The following MRTFA variants were observed in gnomAD, a reference collection of about 807,000 sequenced individuals.
MRTFA encodes myocardin related transcription factor A.
MRTFA carries 20 observed loss-of-function variants against 83.5 expected under a neutral mutation model. That is an observed-to-expected ratio of 0.24 (90% confidence interval 0.17 to 0.35). MRTFA has a LOEUF of 0.35. Among genes scored for constraint, MRTFA ranks in the 10% least tolerant of loss-of-function variants. The pLI, the probability that MRTFA is intolerant of heterozygous loss-of-function variation, is 1.00. For missense variants in MRTFA, 1,200 were observed against 1,224.7 expected, an observed-to-expected ratio of 0.98 and a Z score of 0.30; for synonymous variants, 659 against 541.2, an observed-to-expected ratio of 1.22 and a Z score of -3.02.
At chr22:40,543,060 G>T (rs911936616) in intron 3 of MRTFA, among the ~76,000 whole-genome samples, 2 of 152,186 alleles carry the variant, frequency 1.3e-5, no homozygotes, top group African/African-American at 4.8e-5. Flanking sequence ...GTACTGGAAT[G>T]AAGTAGGTCA....
chr22:40,448,575 C>T (rs554034879), intron 4 of MRTFA, among the ~76,000 whole-genome samples: 7 of 152,182 alleles, frequency 4.6e-5, no homozygotes, highest in Non-Finnish European at 1.0e-4. Context: ...GCCATCTTTT[C>T]CTAGCTATTC....
At chr22:40,514,488 T>TG (rs1359506041) in intron 3 of MRTFA, among the ~76,000 whole-genome samples, 2 of 150,822 alleles carry the variant, frequency 1.3e-5, no homozygotes, top group Non-Finnish European at 3.0e-5. Context: ...TTTTTTTTTT[T>TG]TTTTGAGTCA....
At chr22:40,569,721 ATAC>A (rs1257791019) in intron 2 of MRTFA, 2 of 1,946 alleles carry the variant, frequency 1.0e-3, no homozygotes, top group African/African-American at 4.1e-3. Context: ...TAATTAATAC[ATAC>A]ATACATACAT....
rs185529564 is a variant in MRTFA at position 40,488,918 on chromosome 22, T to C, written c.242-25632A>G. On this transcript the variant is annotated intron_variant, in intron 3 of 14. Coordinates refer to ENST00000355630, the MANE Select transcript of MRTFA (RefSeq NM_020831.6). ...GTACATTTGACTTGTGGCTAACATA[T>C]TGTGTTATATCAATACCAATACTGA... 2.8e-3 allele frequency among the ~76,000 whole-genome samples: 430 copies of C among 152,286 alleles called. 1 individual carries two copies. Among genetic ancestry groups the C allele is most frequent in the Admixed American group, 4.6e-3 (71 of 15,308 alleles).
At chr22:40,591,429 C>G (rs2056120212) in intron 2 of MRTFA, among the ~76,000 whole-genome samples, 1 of 151,920 alleles carries the variant, frequency 6.6e-6, no homozygotes, top group South Asian at 2.1e-4. Context: ...TAATAAGAAA[C>G]TAATATATAA....
At chr22:40,604,815 A>T (rs1409842970) in intron 1 of MRTFA, among the ~76,000 whole-genome samples, 2 of 152,162 alleles carry the variant, frequency 1.3e-5, no homozygotes, top group African/African-American at 4.8e-5. Context: ...ATTCAGCACG[A>T]TCACCATGTG....
intron 3 of MRTFA, among the ~76,000 whole-genome samples, chr22:40,504,981 C>T (rs2054557207): frequency 1.3e-5 from 2 of 152,156 alleles, no homozygotes; most frequent in Non-Finnish European, 2.9e-5. Flanking sequence ...CTATATCTAT[C>T]CCCAACCGAA....
chr22:40,498,459 T>C (rs73167096), intron 3 of MRTFA, among the ~76,000 whole-genome samples: 11,308 of 148,448 alleles, frequency 0.076, 634 homozygotes, highest in East Asian at 0.23. Context: ...GATTTTTGCA[T>C]TTTTTTGTAG....
At chr22:40,600,083 TG>T (rs1326256861) in intron 1 of MRTFA, among the ~76,000 whole-genome samples, 1 of 151,826 alleles carries the variant, frequency 6.6e-6, no homozygotes, top group Non-Finnish European at 1.5e-5. Flanking sequence ...TTTGGAATTG[TG>T]GTTTTTAAGC....
chr22:40,435,617 T>G (rs1051843929), intron 4 of MRTFA, 63 bp from the exon 5 acceptor site: 107 of 1,566,210 alleles, frequency 6.8e-5, no homozygotes, highest in Non-Finnish European at 8.6e-5. Context: ...TGCTACGATA[T>G]TCAGTGGAGA....
At chr22:40,463,931 TG>T (rs2053763885) in intron 3 of MRTFA, among the ~76,000 whole-genome samples, 1 of 152,156 alleles carries the variant, frequency 6.6e-6, no homozygotes, top group Non-Finnish European at 1.5e-5. Flanking sequence ...GGGAGACTGA[TG>T]GGTGTTTCTC....
At chr22:40,478,260 A>G (rs1486591747) in intron 3 of MRTFA, among the ~76,000 whole-genome samples, 1 of 152,160 alleles carries the variant, frequency 6.6e-6, no homozygotes, top group African/African-American at 2.4e-5. Context: ...TGGGAACTGA[A>G]AAACGACATT....
intron 9 of MRTFA, among the ~76,000 whole-genome samples, chr22:40,421,556 G>C (rs1247626501): frequency 6.6e-6 from 1 of 152,190 alleles, no homozygotes; most frequent in Non-Finnish European, 1.5e-5. Flanking sequence ...ACTTGAAAAT[G>C]GTGAACGGGC....
intron 2 of MRTFA, among the ~76,000 whole-genome samples, chr22:40,584,848 G>C (rs777776595): frequency 6.6e-6 from 1 of 151,438 alleles, no homozygotes; most frequent in Admixed American, 6.6e-5. Context: ...GTTTAGGACC[G>C]GCCTAGCCAA....
chr22:40,473,652 G>A (rs1409478602), intron 3 of MRTFA, among the ~76,000 whole-genome samples: 1 of 152,148 alleles, frequency 6.6e-6, no homozygotes, highest in African/African-American at 2.4e-5. Flanking sequence ...TTCAAACTAG[G>A]GAATGTGTTT....
At chr22:40,526,686 A>G (rs2054980037) in intron 3 of MRTFA, 1 of 152,218 alleles carries the variant, frequency 6.6e-6, no homozygotes, top group Non-Finnish European at 1.5e-5. Context: ...CAAAAAGCTG[A>G]ATTAAACACC....
At chr22:40,521,033 TAATA>T (rs1229855817) in intron 3 of MRTFA, among the ~76,000 whole-genome samples, 1 of 151,958 alleles carries the variant, frequency 6.6e-6, no homozygotes, top group Non-Finnish European at 1.5e-5. Context: ...TAATAAGAAA[TAATA>T]AACAGCTCAT....
intron 4 of MRTFA, among the ~76,000 whole-genome samples, chr22:40,449,878 G>A (rs1416255467): frequency 6.6e-6 from 1 of 152,152 alleles, no homozygotes; most frequent in Admixed American, 6.6e-5. Context: ...CAGATGGGAT[G>A]GATTCCACAC....
intron 3 of MRTFA, chr22:40,523,321 C>T (rs977961263): frequency 6.6e-5 from 10 of 152,154 alleles, no homozygotes; most frequent in African/African-American, 2.4e-4. Context: ...TGGAACTGAA[C>T]TTCTCAACTT....
Sources: allele counts gnomAD v4.1 joint callset (sites outside exome capture counted in the v4.1 genomes callset), GRCh38; gene constraint gnomAD v4.1.1; transcripts MANE v1.5; gene names NCBI Gene and HGNC (gene_info 2026-07-23, HGNC 2026-07-21).